Variants in C2CD5 observed in about 807,000 individuals in gnomAD.
The protein encoded by C2CD5 is C2 domain-containing protein 5.
C2CD5 carries 109 observed loss-of-function variants against 130.3 expected under a neutral mutation model. The observed-to-expected ratio is 0.84, with a 90% CI of 0.72 to 0.98. The LOEUF (loss-of-function observed/expected upper bound fraction) is 0.98, where lower values mean the gene tolerates loss of function less well. Among genes scored for constraint, C2CD5 ranks in the 50% least tolerant of loss-of-function variants. C2CD5 has a pLI of 0.00. For synonymous variants in C2CD5, 454 were observed against 429.2 expected, an observed-to-expected ratio of 1.06 and a Z score of -0.71; for missense variants, 996 against 1,261.8, an observed-to-expected ratio of 0.79 and a Z score of 3.19.
intron 12 of C2CD5, among the ~76,000 whole-genome samples, chr12:22,485,447 A>G (rs1197159727): frequency 6.6e-6 from 1 of 152,090 alleles, no homozygotes; most frequent in Admixed American, 6.6e-5. Flanking sequence ...CATGTACCCT[A>G]TAAATATATA....
chr12:22,526,181 G>A (rs1213367880), intron 4 of C2CD5, among the ~76,000 whole-genome samples: 1 of 152,064 alleles, frequency 6.6e-6, no homozygotes, highest in Non-Finnish European at 1.5e-5. Flanking sequence ...AGCACAACAC[G>A]TATGCATTAG....
At chr12:22,477,021 C>T (rs548051906) in intron 15 of C2CD5, among the ~76,000 whole-genome samples, 1 of 152,022 alleles carries the variant, frequency 6.6e-6, no homozygotes, top group Admixed American at 6.6e-5. Context: ...GTTAACACAT[C>T]AACATTTGCA....
In C2CD5 at chr12:22,524,613, T is replaced by C; in HGVS notation, c.460A>G (p.Lys154Glu). 1 of 1,611,820 alleles carries C rather than the reference T, an allele frequency of 6.2e-7. No individual in the cohort carries two copies. The highest frequency in any genetic ancestry group is 8.5e-7 in the Non-Finnish European group (1 of 1,178,606). Reference protein sequence around the residue: ...VKFFCTTSIPKCYRAVIIHGF... With the variant: ...VKFFCTTSIPECYRAVIIHGF... ...TGAATTATCACAGCTCTATAGCATT[T>C]TGGAATAGACGTTGCTGTTAAAACA... Residue 154 changes from lysine (K) to glutamate (E), a missense_variant, in exon 6 of 27, where the codon AAA (lysine) becomes GAA (glutamate). Lys to Glu is a moderately conservative substitution (Grantham distance 56). Transcript: ENST00000446597.
chr12:22,450,028 A>G (rs1938205363), intron 26 of C2CD5, 137 bp from the exon 27 acceptor site: 1 of 612,292 alleles, frequency 1.6e-6, no homozygotes, highest in Admixed American at 2.8e-5. Flanking sequence ...ATCCAACAGA[A>G]AAATGAGAAA....
chr12:22,457,081 C>A lies in C2CD5; in HGVS notation c.2767G>T (p.Val923Phe). 6.2e-7 allele frequency: 1 copy of A among 1,613,174 alleles called. No homozygotes were observed. Among genetic ancestry groups the A allele is most frequent in the Non-Finnish European group, 8.5e-7 (1 of 1,179,424 alleles). The change falls in exon 25 of 27, where the codon GTT becomes TTT. Residue 923 changes from valine to phenylalanine, a missense_variant. Physicochemically the swap from Val to Phe is conservative, Grantham distance 50. Around this residue, in one of 9 missense-constraint regions of C2CD5, gnomAD observed 590 missense variants for 631.4 expected, o/e 0.93. Transcript: ENST00000446597. ...RSAPPCANST[V>F]GVVKMTPLSF... ...AGAGGTGTCATCTTAACAACCCCAA[C>A]TGTGGAATTTGCACAAGGTGGAGCA...
intron 13 of C2CD5, among the ~76,000 whole-genome samples, 195 bp from the exon 14 acceptor site, chr12:22,482,938 AC>A (rs1944933941): frequency 6.6e-6 from 1 of 152,212 alleles, no homozygotes; most frequent in African/African-American, 2.4e-5. Context: ...CATAACAGGT[AC>A]AAAAAAATAG....
At chr12:22,458,753 C>T in intron 23 of C2CD5, 168 bp from the exon 24 acceptor site, 2 of 360,946 alleles carry the variant, frequency 5.5e-6, no homozygotes, top group Admixed American at 4.6e-5. Flanking sequence ...AAGCTTTAGA[C>T]ACTGATTTGT....
chr12:22,469,402 C>G (rs1428567192), intron 22 of C2CD5, among the ~76,000 whole-genome samples: 2 of 151,950 alleles, frequency 1.3e-5, no homozygotes, highest in Non-Finnish European at 2.9e-5. Flanking sequence ...TATAAAATAT[C>G]AAGTATTCTA....
chr12:22,452,372 C>T (rs1347447648), intron 26 of C2CD5, among the ~76,000 whole-genome samples: 1 of 152,072 alleles, frequency 6.6e-6, no homozygotes, highest in Admixed American at 6.6e-5. Flanking sequence ...GTTTCCCTCC[C>T]GCCTTTCTCA....
intron 8 of C2CD5, among the ~76,000 whole-genome samples, chr12:22,515,653 G>T (rs1045529206): frequency 1.3e-5 from 2 of 152,026 alleles, no homozygotes; most frequent in African/African-American, 4.8e-5. Context: ...CTCAGTACTG[G>T]ATTAGGTAAA....
intron 3 of C2CD5, 34 bp downstream of exon 3, chr12:22,535,224 A>C (rs1260976664): frequency 8.3e-7 from 1 of 1,200,192 alleles, no homozygotes; most frequent in Non-Finnish European, 1.2e-6. Context: ...CCTCAAAAAA[A>C]TACACTCAAA....
chr12:22,513,423 T>C lies in C2CD5; in HGVS notation c.953-44A>G, dbSNP rs765370985. On this transcript the variant is annotated intron_variant, in intron 8 of 26. Coordinates refer to ENST00000446597, the MANE Select transcript of C2CD5 (RefSeq NM_001286176.2). ...TAAATAACAACCAAAAAAGCAACTA[T>C]AGAAACAAAGTTTAATTGCATTCAT... The C allele has an allele frequency of 2.8e-5, 35 of 1,250,766 alleles. 1 individual carries two copies. The East Asian group carries it at 3.9e-4, about 14-fold the overall frequency. 77.5% of individuals were successfully genotyped at this position (1,250,766 alleles called of 1,614,324 possible).
intron 15 of C2CD5, 152 bp downstream of exon 15, chr12:22,478,161 C>G (rs1944144880): frequency 1.7e-5 from 11 of 647,602 alleles, no homozygotes; most frequent in Non-Finnish European, 3.0e-5. Flanking sequence ...GAAAAGGAGA[C>G]AGTTGAGCAA....
intron 12 of C2CD5, among the ~76,000 whole-genome samples, chr12:22,489,304 G>A (rs1268871942): frequency 6.6e-6 from 1 of 151,276 alleles, no homozygotes; most frequent in Non-Finnish European, 1.5e-5. Context: ...CAAACTAATA[G>A]TTTATATATG....
intron 10 of C2CD5, among the ~76,000 whole-genome samples, chr12:22,498,301 G>A (rs1947316785): frequency 6.6e-6 from 1 of 151,978 alleles, no homozygotes; most frequent in Non-Finnish European, 1.5e-5. Flanking sequence ...TAACAATTAT[G>A]TTTCCAGTAC....
chr12:22,529,664 T>G (rs751287048), intron 3 of C2CD5, among the ~76,000 whole-genome samples: 1 of 152,180 alleles, frequency 6.6e-6, no homozygotes, highest in Non-Finnish European at 1.5e-5. Flanking sequence ...TTTAAATGTT[T>G]AAATTAGCAA....
intron 7 of C2CD5, among the ~76,000 whole-genome samples, chr12:22,521,780 T>G (rs1950292345): frequency 1.3e-5 from 2 of 152,134 alleles, no homozygotes; most frequent in Admixed American, 6.5e-5. Context: ...ATGAATAAAA[T>G]TCAACCCAAA....
chr12:22,503,862 C>T (rs539567820), intron 10 of C2CD5, among the ~76,000 whole-genome samples: 1 of 152,116 alleles, frequency 6.6e-6, no homozygotes, highest in South Asian at 2.1e-4. Flanking sequence ...AGAATAATTA[C>T]ACATATTTAA....
intron 22 of C2CD5, among the ~76,000 whole-genome samples, chr12:22,464,559 T>G (rs1941738615): frequency 6.6e-6 from 1 of 152,202 alleles, no homozygotes; most frequent in South Asian, 2.1e-4. Context: ...CCTTCCGTCC[T>G]TCCTTCCTTC....
Sources: allele counts gnomAD v4.1 joint callset (sites outside exome capture counted in the v4.1 genomes callset), GRCh38; gene constraint gnomAD v4.1.1; regional missense constraint gnomAD v4.1.1; transcripts MANE v1.5; gene names NCBI Gene and HGNC (gene_info 2026-07-23, HGNC 2026-07-21).